Variants in KCNT2 observed in about 807,000 individuals in gnomAD.
The protein encoded by KCNT2 is potassium channel subfamily T member 2.
Under a neutral mutation model 153.8 loss-of-function variants are expected in KCNT2, and 67 were observed. The ratio of observed to expected loss-of-function variants is 0.44; its 90% CI spans 0.36 to 0.53. The LOEUF (loss-of-function observed/expected upper bound fraction) is 0.53, where lower values mean the gene tolerates loss of function less well. Ranked by LOEUF, KCNT2 falls within the 20% of genes least tolerant of loss-of-function variation. The probability of loss-of-function intolerance (pLI) is 0.00; values close to 1 mark genes in which losing one functional copy is unlikely to be tolerated. For synonymous variants in KCNT2, 500 were observed against 458.8 expected (o/e 1.09, Z -1.15); for missense variants, 975 against 1,354.8 (o/e 0.72, Z 4.40).
intron 1 of KCNT2, among the ~76,000 whole-genome samples, chr1:196,496,251 C>T (rs879375734): frequency 3.3e-5 from 5 of 152,006 alleles, no homozygotes; most frequent in Admixed American, 2.0e-4. Context: ...GGGTGGATCA[C>T]GAGGTCAGGA....
chr1:196,581,633 A>C (rs1385657059), intron 1 of KCNT2, among the ~76,000 whole-genome samples: 3 of 152,088 alleles, frequency 2.0e-5, no homozygotes, highest in Admixed American at 1.3e-4. Flanking sequence ...AGATGGGGGA[A>C]AGATGGAGGG....
chr1:196,506,626 A>T (rs74583040), intron 1 of KCNT2, among the ~76,000 whole-genome samples: 1 of 152,102 alleles, frequency 6.6e-6, no homozygotes, highest in African/African-American at 2.4e-5. Context: ...ATTCTAAATC[A>T]GTTTTCCACC....
In KCNT2 at chr1:196,428,121, G is replaced by C; in HGVS notation, c.968C>G (p.Ala323Gly). ...LLMDFLNEFYAHPRLQDYYVV... is the reference protein window; with the variant it reads ...LLMDFLNEFYGHPRLQDYYVV... ...CAAATGTACCTGGAGCCTAGGATGA[G>C]CATAGAATTCATTTAAAAAATCCAT... The change falls in exon 10 of 28, where the codon GCT becomes GGT. Residue 323 changes from alanine (A) to glycine (G), a missense_variant. By Grantham distance (60) the Ala-to-Gly change is moderately conservative. Transcript: ENST00000294725. 6.2e-7 allele frequency: 1 copy of C among 1,611,966 alleles called. No individual in the cohort carries two copies.
chr1:196,335,032 G>A (rs894787207), intron 16 of KCNT2, among the ~76,000 whole-genome samples: 3 of 152,092 alleles, frequency 2.0e-5, no homozygotes, highest in Non-Finnish European at 4.4e-5. Flanking sequence ...AATTCCCTTT[G>A]TGAATTTTAT....
At chr1:196,406,907 T>A (rs1671878824) in intron 12 of KCNT2, among the ~76,000 whole-genome samples, 1 of 151,434 alleles carries the variant, frequency 6.6e-6, no homozygotes, top group South Asian at 2.1e-4. Context: ...ATTATCAAAA[T>A]CTTACCAGAA....
chr1:196,558,034 A>T (rs950580481), intron 1 of KCNT2, among the ~76,000 whole-genome samples: 2 of 151,430 alleles, frequency 1.3e-5, no homozygotes, highest in South Asian at 2.1e-4. Context: ...TGTTGTCATC[A>T]AAATGTTACA....
At chr1:196,266,578 T>A (rs1220295299) in intron 25 of KCNT2, among the ~76,000 whole-genome samples, 1 of 152,142 alleles carries the variant, frequency 6.6e-6, no homozygotes, top group Non-Finnish European at 1.5e-5. Context: ...TAGAATCACA[T>A]GCATTTTCTG....
At chr1:196,457,665 T>C (rs1676795472) in intron 8 of KCNT2, among the ~76,000 whole-genome samples, 1 of 152,042 alleles carries the variant, frequency 6.6e-6, no homozygotes, top group East Asian at 1.9e-4. Flanking sequence ...ACTTGGTAAA[T>C]GGAAAGGGTT....
At chr1:196,592,125 A>G (rs1397134199) in intron 1 of KCNT2, among the ~76,000 whole-genome samples, 1 of 152,100 alleles carries the variant, frequency 6.6e-6, no homozygotes, top group Admixed American at 6.6e-5. Flanking sequence ...ATTTCCATCA[A>G]CCGATGAATG....
intron 12 of KCNT2, among the ~76,000 whole-genome samples, chr1:196,399,097 A>ATGTGTGTGTGTG (rs150605752): frequency 6.7e-5 from 10 of 148,824 alleles, no homozygotes; most frequent in African/African-American, 2.2e-4. Context: ...ACCTGTGTGT[A>ATGTGTGTGTGTG]TGTGTGTGTG....
rs564723013 is a variant in KCNT2 at position 196,225,781 on chromosome 1, T to C, written c.*2443A>G. 6.6e-6 allele frequency: 1 copy of C among 152,298 alleles called. No homozygotes were observed. The highest frequency in any genetic ancestry group is 1.5e-5 in the Non-Finnish European group (1 of 68,000). The allele number at this position is 152,298 out of a possible 1,614,324, so 9.4% of individuals were successfully genotyped here. ...TTTTGGCAAAAAAAAATCAAGAGTT[T>C]TCATCATTAGAAATAATTTTATTAT... On this transcript the variant is annotated 3_prime_UTR_variant, in exon 28 of 28. Transcript: ENST00000294725.
At chr1:196,462,276 G>A (rs1677217050) in intron 8 of KCNT2, among the ~76,000 whole-genome samples, 1 of 151,574 alleles carries the variant, frequency 6.6e-6, no homozygotes, top group Non-Finnish European at 1.5e-5. Context: ...TCTGAATGAA[G>A]TAAAACTGGA....
intron 16 of KCNT2, among the ~76,000 whole-genome samples, chr1:196,335,148 C>A (rs1664895182): frequency 6.6e-6 from 1 of 152,122 alleles, no homozygotes; most frequent in African/African-American, 2.4e-5. Flanking sequence ...TTACTTATTT[C>A]ATTTATGTAC....
At chr1:196,309,979 TG>T (rs1214272132) in intron 21 of KCNT2, among the ~76,000 whole-genome samples, 3 of 151,914 alleles carry the variant, frequency 2.0e-5, no homozygotes, top group Non-Finnish European at 4.4e-5. Flanking sequence ...AAAATATCTA[TG>T]GAAGAGTTCT....
chr1:196,378,696 TGTAA>T (rs1669185483), intron 13 of KCNT2, among the ~76,000 whole-genome samples: 2 of 148,526 alleles, frequency 1.3e-5, no homozygotes, highest in East Asian at 1.9e-4. Context: ...ACATTATATA[TGTAA>T]GTAATATATA....
At chr1:196,367,814 C>T (rs1009900310) in intron 14 of KCNT2, among the ~76,000 whole-genome samples, 24 of 152,226 alleles carry the variant, frequency 1.6e-4, no homozygotes, top group African/African-American at 5.8e-4. Context: ...TGTGACAGGG[C>T]TCTGACCAAT....
intron 23 of KCNT2, among the ~76,000 whole-genome samples, chr1:196,282,914 G>A (rs775522800): frequency 2.6e-5 from 4 of 152,062 alleles, no homozygotes; most frequent in Admixed American, 6.5e-5. Context: ...GCATGATAGC[G>A]GCTCACTGCA....
At chr1:196,604,724 T>A (rs1665127254) in intron 1 of KCNT2, among the ~76,000 whole-genome samples, 1 of 151,160 alleles carries the variant, frequency 6.6e-6, no homozygotes, top group Non-Finnish European at 1.5e-5. Flanking sequence ...TTATAATATA[T>A]ATTATTAATC....
intron 14 of KCNT2, among the ~76,000 whole-genome samples, chr1:196,368,974 T>A (rs1034418968): frequency 3.3e-5 from 5 of 152,086 alleles, no homozygotes; most frequent in Admixed American, 3.3e-4. Context: ...TTTCTTTTTT[T>A]CCCCCTCTCT....
Sources: allele counts gnomAD v4.1 joint callset (sites outside exome capture counted in the v4.1 genomes callset), GRCh38; gene constraint gnomAD v4.1.1; transcripts MANE v1.5; gene names NCBI Gene and HGNC (gene_info 2026-07-23, HGNC 2026-07-21).